Variants in AK4 observed in about 807,000 individuals in gnomAD.
AK4 encodes adenylate kinase 4.
AK4 carries 13 observed loss-of-function variants against 24.6 expected under a neutral mutation model. The ratio of observed to expected loss-of-function variants is 0.53; its 90% CI spans 0.34 to 0.84. The LOEUF is 0.84. Among genes scored for constraint, AK4 ranks in the 40% least tolerant of loss-of-function variants. The probability of loss-of-function intolerance (pLI) is 0.01; values close to 1 mark genes in which losing one functional copy is unlikely to be tolerated. For synonymous variants in AK4, 88 were observed against 107.0 expected (o/e 0.82, Z 1.10); for missense variants, 192 against 288.2 (o/e 0.67, Z 2.42).
chr1:65,196,329 G>T (rs2101049095), intron 2 of AK4, among the ~76,000 whole-genome samples: 1 of 152,272 alleles, frequency 6.6e-6, no homozygotes, highest in Middle Eastern at 3.4e-3. Flanking sequence ...CCAAGCCAAG[G>T]GAACCCCAAG....
At chr1:65,194,058 T>C (rs1339842061) in intron 2 of AK4, among the ~76,000 whole-genome samples, 6 of 152,154 alleles carry the variant, frequency 3.9e-5, no homozygotes, top group Non-Finnish European at 8.8e-5. Flanking sequence ...ACCATTGCAC[T>C]CCAGCCTGGA....
chr1:65,216,320 A>G (rs1315253493), intron 2 of AK4, among the ~76,000 whole-genome samples: 1 of 152,072 alleles, frequency 6.6e-6, no homozygotes, highest in African/African-American at 2.4e-5. Context: ...TTTAGTAGAC[A>G]TGGAGTTTTG....
At chr1:65,150,139 A>G (rs537216936) in intron 1 of AK4, among the ~76,000 whole-genome samples, 1 of 152,242 alleles carries the variant, frequency 6.6e-6, no homozygotes, top group East Asian at 1.9e-4. Flanking sequence ...GAAGGGCTTC[A>G]CACTGTCCAT....
At chr1:65,151,004 A>C (rs1302139294) in intron 1 of AK4, among the ~76,000 whole-genome samples, 1 of 151,866 alleles carries the variant, frequency 6.6e-6, no homozygotes, top group Admixed American at 6.6e-5. Flanking sequence ...CCCACACCGG[A>C]GTTCAGTGGC....
chr1:65,178,398 C>A (rs1010588751), intron 1 of AK4, among the ~76,000 whole-genome samples: 2 of 152,180 alleles, frequency 1.3e-5, no homozygotes, highest in African/African-American at 4.8e-5. Flanking sequence ...CGGCACACGG[C>A]TGAGTCTGCC....
intron 2 of AK4, among the ~76,000 whole-genome samples, chr1:65,214,974 G>A (rs925502985): frequency 4.6e-5 from 7 of 152,076 alleles, no homozygotes; most frequent in African/African-American, 1.2e-4. Flanking sequence ...AGAAAAATGG[G>A]GCAGATAAGT....
chr1:65,213,656 A>T (rs1401172650), intron 2 of AK4, among the ~76,000 whole-genome samples: 1 of 152,186 alleles, frequency 6.6e-6, no homozygotes, highest in African/African-American at 2.4e-5. Flanking sequence ...TTTGCATCTT[A>T]TACATTTGAC....
At chr1:65,182,018 T>G (rs1650925331) in intron 1 of AK4, among the ~76,000 whole-genome samples, 1 of 152,104 alleles carries the variant, frequency 6.6e-6, no homozygotes, top group Non-Finnish European at 1.5e-5. Context: ...TGGGCTCAAG[T>G]GATCCTCCCA....
chr1:65,213,294 C>G (rs930073475), intron 2 of AK4, among the ~76,000 whole-genome samples: 1 of 152,124 alleles, frequency 6.6e-6, no homozygotes, highest in Non-Finnish European at 1.5e-5. Context: ...GATTAAGGAG[C>G]TTTACTATTA....
Position 65,190,774 on chromosome 1 carries a change from A to C in AK4, c.210A>C (p.Thr70=). ...TTTTGGTTCCAGACCATGTGATCAC[A>C]CGCCTAATGATGTCCGAGTTGGAGA... ...KSLLVPDHVI[T]RLMMSELENR... Residue 70 remains threonine (T), a synonymous_variant, in exon 2 of 5, where the codon ACA becomes ACC. Transcript: ENST00000327299. 2.5e-6 allele frequency: 4 copies of C among 1,614,164 alleles called. No homozygotes were observed. Among genetic ancestry groups the C allele is most frequent in the Non-Finnish European group, 3.4e-6 (4 of 1,180,016 alleles).
chr1:65,180,072 A>G (rs1249387464), intron 1 of AK4, among the ~76,000 whole-genome samples: 1 of 152,226 alleles, frequency 6.6e-6, no homozygotes, highest in African/African-American at 2.4e-5. Context: ...CAAAAGTCTT[A>G]TAGCCTTTAA....
At chr1:65,173,459 G>T (rs943552201) in intron 1 of AK4, among the ~76,000 whole-genome samples, 2 of 152,088 alleles carry the variant, frequency 1.3e-5, no homozygotes, top group African/African-American at 4.8e-5. Context: ...ATTTTCTCTG[G>T]TCACCTCTTC....
At chr1:65,185,002 G>T (rs1026030989) in intron 1 of AK4, among the ~76,000 whole-genome samples, 2 of 152,172 alleles carry the variant, frequency 1.3e-5, no homozygotes, top group Non-Finnish European at 2.9e-5. Context: ...ATTAGAGTAA[G>T]ATGCCTCTGG....
At chr1:65,183,179 T>C (rs1220595304) in intron 1 of AK4, among the ~76,000 whole-genome samples, 7 of 152,196 alleles carry the variant, frequency 4.6e-5, no homozygotes, top group African/African-American at 1.7e-4. Flanking sequence ...CCTTTTTTTT[T>C]CTTCCCATTT....
rs76947323 is a variant in AK4, at chr1:65,180,020, G to A, written c.146-10690G>A. Among the ~76,000 whole-genome samples the A allele has an allele frequency of 9.7e-3, 1,475 of 152,278 alleles. 23 individuals carry two copies. Among genetic ancestry groups the A allele is most frequent in the African/African-American group, 0.034 (1,416 of 41,538 alleles). On this transcript the variant is annotated intron_variant, in intron 1 of 4. Transcript: ENST00000327299. The stretch of plus-strand genomic sequence containing the variant: ...ATATTATTCCCATTTTATTGGTGAG[G>A]AAACGGAGGCACAAACTTGACTGAG...
Position 65,185,408 on chromosome 1 carries a change from C to T in AK4, c.146-5302C>T, listed in dbSNP as rs369115108. ...ATTCCTCAAAGTTCACGCTCCATAT[C>T]CTGCCCATCTAGCACCATCTCTTAG... On this transcript the variant is annotated intron_variant, in intron 1 of 4. Coordinates refer to ENST00000327299, the MANE Select transcript of AK4 (RefSeq NM_013410.4). Among the ~76,000 whole-genome samples, 78 of 152,236 alleles carry T rather than the reference C, an allele frequency of 5.1e-4. No homozygotes were observed. In the Middle Eastern group the frequency reaches 0.027, roughly 53 times the overall value.
rs532338070 is a variant in AK4, at chr1:65,209,671, C to T, written c.266-9083C>T. 2.4e-4 allele frequency among the ~76,000 whole-genome samples: 37 copies of T among 152,298 alleles called. No homozygotes were observed. In the South Asian group the frequency reaches 7.7e-3, roughly 32 times the overall value. On this transcript the variant is annotated intron_variant, in intron 2 of 4. Coordinates refer to ENST00000327299, the MANE Select transcript of AK4 (RefSeq NM_013410.4). ...TTGATTTGTTTAGCCCAACTTGAGA[C>T]ACAGATGTAGATCAATTTAAAGAAT...
At chr1:65,148,578 G>A (rs1025347538) in intron 1 of AK4, 26 bp downstream of exon 1, 2 of 1,574,752 alleles carry the variant, frequency 1.3e-6, no homozygotes, top group Non-Finnish European at 1.7e-6. Context: ...GACGAGGGCC[G>A]GGGGCGAGCC....
At chr1:65,202,944 T>C (rs964267754) in intron 2 of AK4, among the ~76,000 whole-genome samples, 1 of 138,800 alleles carries the variant, frequency 7.2e-6, no homozygotes, top group Admixed American at 8.2e-5. Flanking sequence ...CCATCATAGC[T>C]CACTGCAGCC....
Sources: gnomAD v4.1 joint callset for allele counts (sites outside exome capture counted in the v4.1 genomes callset) on GRCh38, gnomAD v4.1.1 for gene constraint, MANE v1.5 for transcripts, NCBI Gene and HGNC (gene_info 2026-07-23, HGNC 2026-07-21) for gene names.